The following TSNARE1 variants were observed in gnomAD, a reference collection of about 807,000 sequenced individuals.
TSNARE1 encodes the protein t-SNARE domain containing 1, also known as t-SNARE domain-containing protein 1.
Under a neutral mutation model 62.0 loss-of-function variants are expected in TSNARE1, and 49 were observed. The observed-to-expected ratio is 0.79, with a 90% CI of 0.63 to 1.00. The LOEUF (loss-of-function observed/expected upper bound fraction) is 1.00. Ranked by LOEUF, TSNARE1 falls within the 50% of genes least tolerant of loss-of-function variation. The probability of loss-of-function intolerance (pLI) is 0.00; values close to 1 mark genes in which losing one functional copy is unlikely to be tolerated. For missense variants in TSNARE1, 755 were observed against 700.1 expected (o/e 1.08, Z -0.88); for synonymous variants, 328 against 294.4 (o/e 1.11, Z -1.17).
intron 10 of TSNARE1, among the ~76,000 whole-genome samples, chr8:142,289,147 C>A (rs1045200577): frequency 2.0e-5 from 3 of 152,228 alleles, no homozygotes; most frequent in Non-Finnish European, 4.4e-5. Flanking sequence ...GGAGGCACCC[C>A]CTGCCGAGGC....
intron 1 of TSNARE1, among the ~76,000 whole-genome samples, chr8:142,391,056 G>A (rs1223726873): frequency 2.1e-5 from 3 of 142,116 alleles, no homozygotes; most frequent in Non-Finnish European, 3.0e-5. Context: ...TGTAACAGAC[G>A]CTGTACACTG....
At chr8:142,277,269 C>A (rs1288302800) in intron 11 of TSNARE1, 2 of 985,288 alleles carry the variant, frequency 2.0e-6, no homozygotes, top group Non-Finnish European at 1.2e-6. Flanking sequence ...AGGCCAGAGG[C>A]CTCCAGGGGC....
intron 1 of TSNARE1, among the ~76,000 whole-genome samples, chr8:142,363,703 AC>A (rs956114976): frequency 1.8e-4 from 28 of 151,648 alleles, no homozygotes; most frequent in Non-Finnish European, 1.6e-4. Context: ...CCCCTGGACC[AC>A]CCTCCCCTCT....
At chr8:142,235,554 A>G (rs1247937089) in intron 12 of TSNARE1, among the ~76,000 whole-genome samples, 1 of 152,192 alleles carries the variant, frequency 6.6e-6, no homozygotes, top group Non-Finnish European at 1.5e-5. Flanking sequence ...AATTATTCAA[A>G]ATCGGAGCCA....
intron 4 of TSNARE1, among the ~76,000 whole-genome samples, chr8:142,338,707 G>A (rs111638447): frequency 6.6e-6 from 1 of 152,364 alleles, no homozygotes; most frequent in African/African-American, 2.4e-5. Flanking sequence ...ATGTGGCCCC[G>A]GCTCAGGTTC....
chr8:142,325,330 T>C (rs1179310838), intron 6 of TSNARE1, among the ~76,000 whole-genome samples: 1 of 152,146 alleles, frequency 6.6e-6, no homozygotes, highest in Non-Finnish European at 1.5e-5. Context: ...GGGAGGCCAG[T>C]GGAACATCCT....
At chr8:142,313,431 T>C (rs1429958966) in intron 9 of TSNARE1, among the ~76,000 whole-genome samples, 1 of 151,958 alleles carries the variant, frequency 6.6e-6, no homozygotes, top group African/African-American at 2.4e-5. Context: ...TTTATCTGCA[T>C]GTTGTCTACA....
intron 12 of TSNARE1, among the ~76,000 whole-genome samples, chr8:142,241,203 A>C (rs11991896): frequency 0.54 from 82,775 of 152,088 alleles, 23,871 homozygotes; most frequent in African/African-American, 0.73. Context: ...TTCAAAAATC[A>C]GTCACGTTTC....
At chr8:142,389,073 G>T (rs1170380076) in intron 1 of TSNARE1, among the ~76,000 whole-genome samples, 1 of 152,112 alleles carries the variant, frequency 6.6e-6, no homozygotes. Flanking sequence ...AACGAAACAG[G>T]ATAGAGAGCC....
intron 1 of TSNARE1, among the ~76,000 whole-genome samples, chr8:142,359,224 G>A (rs1834975797): frequency 6.6e-6 from 1 of 152,028 alleles, no homozygotes. Context: ...GCCCACACCT[G>A]ACCTCAGAGC....
chr8:142,330,192 G>A (rs1050400512), intron 6 of TSNARE1, among the ~76,000 whole-genome samples: 2 of 152,228 alleles, frequency 1.3e-5, no homozygotes, highest in African/African-American at 4.8e-5. Flanking sequence ...AGCAAGTGCA[G>A]TGGGGGCCAG....
chr8:142,352,504 C>T (rs560659717), intron 2 of TSNARE1, among the ~76,000 whole-genome samples: 58 of 152,386 alleles, frequency 3.8e-4, no homozygotes, highest in African/African-American at 1.4e-3. Context: ...TGGGCACAGG[C>T]TGTGAGGGAC....
At chr8:142,320,620 C>T (rs1829347963) in intron 6 of TSNARE1, among the ~76,000 whole-genome samples, 2 of 152,240 alleles carry the variant, frequency 1.3e-5, no homozygotes, top group African/African-American at 4.8e-5. Context: ...GTCTCTGCTG[C>T]TCCTGAATGA....
At position 142,350,963 on chromosome 8, in the gene TSNARE1, G is replaced by A. The variant is rs150439839; in HGVS notation, c.88+3674C>T. ...GAAACAGACACTCCTAGAGGCCGTC[G>A]GCCACTTCAACTGCAGGTCGGGTAT... On this transcript the variant is annotated intron_variant, in intron 2 of 13. Transcript: ENST00000524325. Among the ~76,000 whole-genome samples, 128 of 152,336 alleles carry A rather than the reference G, an allele frequency of 8.4e-4. 1 individual carries two copies. The East Asian group carries it at 0.019, about 22-fold the overall frequency.
chr8:142,315,881 G>A (rs916817292), intron 7 of TSNARE1, among the ~76,000 whole-genome samples: 10 of 152,184 alleles, frequency 6.6e-5, no homozygotes, highest in African/African-American at 2.2e-4. Flanking sequence ...TCCCACAATC[G>A]AAGGCACTAC....
chr8:142,344,552 C>A, intron 3 of TSNARE1, 80 bp from the exon 4 acceptor site: 2 of 1,368,192 alleles, frequency 1.5e-6, no homozygotes, highest in Non-Finnish European at 1.9e-6. Flanking sequence ...CCCTACGGCG[C>A]CTCCTCTCTG....
chr8:142,280,334 C>T (rs944455485), intron 11 of TSNARE1: 3 of 985,246 alleles, frequency 3.0e-6, no homozygotes, highest in Non-Finnish European at 2.4e-6. Flanking sequence ...CCTGGAAAGG[C>T]ACCAGAGGCT....
chr8:142,347,738 A>G (rs1322642580), intron 2 of TSNARE1, among the ~76,000 whole-genome samples: 1 of 73,834 alleles, frequency 1.4e-5, no homozygotes, highest in Non-Finnish European at 2.6e-5. Flanking sequence ...CCAGAAGGAC[A>G]CGCCATCACC....
chr8:142,359,051 C>G (rs1834960881), intron 1 of TSNARE1, among the ~76,000 whole-genome samples: 1 of 152,124 alleles, frequency 6.6e-6, no homozygotes, highest in Non-Finnish European at 1.5e-5. Flanking sequence ...GGGGTTCTGC[C>G]TGTTTCACCC....
Sources: allele counts gnomAD v4.1 joint callset (sites outside exome capture counted in the v4.1 genomes callset), GRCh38; gene constraint gnomAD v4.1.1; transcripts MANE v1.5; gene names NCBI Gene and HGNC (gene_info 2026-07-23, HGNC 2026-07-21).